The following BNIP1 variants were observed in gnomAD, a reference collection of about 807,000 sequenced individuals.
BNIP1 encodes the protein vesicle transport protein SEC20.
Under a neutral mutation model 28.5 loss-of-function variants are expected in BNIP1, and 25 were observed. That is an observed-to-expected ratio of 0.88 (90% CI 0.64 to 1.23). The LOEUF (loss-of-function observed/expected upper bound fraction) is 1.23, where lower values mean the gene tolerates loss of function less well. Ranked by LOEUF, BNIP1 falls within the 50% of genes most tolerant of loss-of-function variation. The pLI is 0.00. For missense variants in BNIP1, 276 were observed against 277.0 expected (o/e 1.00, Z 0.02); for synonymous variants, 118 against 101.7 (o/e 1.16, Z -0.96).
intron 3 of BNIP1, among the ~76,000 whole-genome samples, chr5:173,156,005 G>A (rs2113852157): frequency 6.6e-6 from 1 of 152,268 alleles, no homozygotes; most frequent in African/African-American, 2.4e-5. Flanking sequence ...TGAGCAATTT[G>A]CCAGCATCAT....
intron 5 of BNIP1, chr5:173,161,216 A>G (rs1760352901): frequency 5.7e-6 from 1 of 174,786 alleles, no homozygotes. Context: ...GCAACCCCAT[A>G]ACTACAATAC....
chr5:173,146,635 G>C (rs1759842448), intron 1 of BNIP1, among the ~76,000 whole-genome samples: 1 of 152,180 alleles, frequency 6.6e-6, no homozygotes, highest in Non-Finnish European at 1.5e-5. Context: ...CAAAGCAGTT[G>C]TGTTTCTTTC....
At chr5:173,147,132 C>T (rs1034358701) in intron 2 of BNIP1, among the ~76,000 whole-genome samples, 174 bp downstream of exon 2, 3 of 152,158 alleles carry the variant, frequency 2.0e-5, no homozygotes, top group Admixed American at 6.5e-5. Context: ...TTTGGCCGGG[C>T]ACGGTGGCTC....
chr5:173,160,046 C>G lies in BNIP1; in HGVS notation c.485C>G (p.Ser162Cys). ...QVQQSEEAMQ[S>C]LVTSSRTILD... ...CAGCAGAGCGAGGAGGCCATGCAGT[C>G]TCTAGGTAAAGCTGGGCCTGGAGTA... is the stretch of plus-strand genomic sequence containing the variant. The change falls in exon 5 of 6, where the codon TCT (serine) becomes TGT (cysteine). Residue 162 changes from serine (S) to cysteine (C), a missense_variant. Coordinates refer to ENST00000351486, the MANE Select transcript of BNIP1 (RefSeq NM_001205.3). 6.2e-7 allele frequency: 1 copy of G among 1,613,596 alleles called. No homozygotes were observed. The highest frequency in any genetic ancestry group is 8.5e-7 in the Non-Finnish European group (1 of 1,179,830).
At chr5:173,151,622 A>G (rs1760023307) in intron 2 of BNIP1, 1 of 1,612,416 alleles carries the variant, frequency 6.2e-7, no homozygotes, top group South Asian at 1.1e-5. Flanking sequence ...TTTTTAAGCT[A>G]ACTTATTCCC....
intron 1 of BNIP1, among the ~76,000 whole-genome samples, chr5:173,145,657 C>T (rs1254406993): frequency 2.0e-5 from 3 of 152,242 alleles, no homozygotes; most frequent in Non-Finnish European, 4.4e-5. Flanking sequence ...CCCGCCTCGG[C>T]CTCCCAAATT....
Position 173,164,198 on chromosome 5 carries a change from G to C in BNIP1, c.*277G>C. On this transcript the variant is annotated 3_prime_UTR_variant, in exon 6 of 6. Coordinates refer to ENST00000351486, the MANE Select transcript of BNIP1 (RefSeq NM_001205.3). The surrounding 1 kb of genome is among the most constrained non-coding windows in gnomAD (Gnocchi z 4.0). ...CACTATGGGAGGCCGCTGCTGCGTG[G>C]AGCACTTAAAGTCCAGCCTCCAGGA... 1 of 290,578 alleles carries C rather than the reference G, an allele frequency of 3.4e-6. No individual in the cohort carries two copies. Among genetic ancestry groups the C allele is most frequent in the Non-Finnish European group, 6.3e-6 (1 of 157,906 alleles). The allele number at this position is 290,578 out of a possible 1,614,324, so 18.0% of individuals were successfully genotyped here. A position where few individuals can be genotyped will look rare whatever the true frequency, so the allele number is the denominator to read the frequency against.
intron 2 of BNIP1, among the ~76,000 whole-genome samples, chr5:173,147,203 G>C (rs1378979411): frequency 6.6e-6 from 1 of 152,112 alleles, no homozygotes. Context: ...TCAGGAGATC[G>C]AGATCATCCT....
intron 5 of BNIP1, among the ~76,000 whole-genome samples, chr5:173,163,204 C>G (rs5745173): frequency 6.6e-5 from 10 of 152,294 alleles, no homozygotes; most frequent in African/African-American, 2.4e-4. Flanking sequence ...GTATCCCTGG[C>G]CTGAGGGACT....
At chr5:173,148,105 T>A (rs2544842) in intron 2 of BNIP1, among the ~76,000 whole-genome samples, 1,761 of 57,684 alleles carry the variant, frequency 0.031, 219 homozygotes, top group African/African-American at 0.04. Context: ...TATATATATA[T>A]ATATATATAT....
In BNIP1 at chr5:173,159,123, C is replaced by T. The variant is rs1442953092; in HGVS notation, c.371+278C>T. Among the ~76,000 whole-genome samples the T allele has an allele frequency of 3.3e-5, 5 of 152,050 alleles. No individual in the cohort carries two copies. In the South Asian group the frequency reaches 6.2e-4, roughly 19 times the overall value. ...TGCCCTCTTGGCTCACCGCAACCTC[C>T]GCCTCCTGGGTTCAAGTGATTCTCC... is the stretch of plus-strand genomic sequence containing the variant. On this transcript the variant is annotated intron_variant, in intron 4 of 5. Transcript: ENST00000351486.
At chr5:173,154,982 C>A (rs958930198) in intron 3 of BNIP1, among the ~76,000 whole-genome samples, 2 of 152,032 alleles carry the variant, frequency 1.3e-5, no homozygotes, top group East Asian at 1.9e-4. Context: ...TATTTTTAAT[C>A]AAAAAATATG....
intron 3 of BNIP1, among the ~76,000 whole-genome samples, chr5:173,157,562 T>A (rs1760236287): frequency 6.6e-6 from 1 of 152,040 alleles, no homozygotes; most frequent in African/African-American, 2.4e-5. Flanking sequence ...TTACAGGCAC[T>A]CGCCATCATG....
chr5:173,148,668 G>A (rs1368449316), intron 2 of BNIP1, among the ~76,000 whole-genome samples: 1 of 152,088 alleles, frequency 6.6e-6, no homozygotes, highest in African/African-American at 2.4e-5. Flanking sequence ...TAAAAGTCCT[G>A]CAAACTTGTC....
intron 3 of BNIP1, among the ~76,000 whole-genome samples, chr5:173,155,819 C>T (rs1037299877): frequency 9.9e-5 from 15 of 152,254 alleles, no homozygotes; most frequent in South Asian, 2.1e-4. Flanking sequence ...TGGGCTCAAG[C>T]GATCCTCTCA....
chr5:173,163,777 G>A lies in BNIP1; in HGVS notation c.543G>A (p.Ser181=), dbSNP rs764097933. 14 of 1,612,638 alleles carry A rather than the reference G, an allele frequency of 8.7e-6. No homozygotes were observed. The highest frequency in any genetic ancestry group is 1.6e-4 in the Middle Eastern group (1 of 6,078). Residue 181 remains serine, a synonymous_variant, in exon 6 of 6, where the codon TCG becomes TCA. Coordinates refer to ENST00000351486, the MANE Select transcript of BNIP1 (RefSeq NM_001205.3). ...CAAATGAAGAATTTAAGTCCATGTC[G>A]GGCACCATCCAGCTGGGCCGGAAGC... ...LDANEEFKSM[S]GTIQLGRKLI...
intron 3 of BNIP1, 54 bp from the exon 4 acceptor site, chr5:173,158,690 T>C (rs1760276374): frequency 4.2e-6 from 6 of 1,445,364 alleles, no homozygotes; most frequent in Non-Finnish European, 5.8e-6. Flanking sequence ...TGAATTGAAC[T>C]GACTTATGGC....
At chr5:173,159,070 T>G (rs1338439971) in intron 4 of BNIP1, among the ~76,000 whole-genome samples, 1 of 151,970 alleles carries the variant, frequency 6.6e-6, no homozygotes, top group Non-Finnish European at 1.5e-5. Context: ...GAAGTCTCAC[T>G]CTTGTAGCCC....
intron 1 of BNIP1, among the ~76,000 whole-genome samples, chr5:173,145,776 C>T (rs184501624): frequency 3.9e-5 from 6 of 152,242 alleles, no homozygotes; most frequent in Admixed American, 3.3e-4. Flanking sequence ...GAGTTTGTAA[C>T]AAGGTGTGGC....
Sources: allele counts gnomAD v4.1 joint callset (sites outside exome capture counted in the v4.1 genomes callset), GRCh38; gene constraint gnomAD v4.1.1; non-coding constraint Gnocchi (gnomAD v3.1); transcripts MANE v1.5; gene names NCBI Gene and HGNC (gene_info 2026-07-23, HGNC 2026-07-21).